TDRP: variants seen among roughly 807,000 people sequenced by gnomAD.
The protein encoded by TDRP is testis development related protein.
TDRP carries 12 observed loss-of-function variants against 10.5 expected under a neutral mutation model. That is an observed-to-expected ratio of 1.15 (90% CI 0.73 to 1.86). The LOEUF is 1.86. Ranked by LOEUF, TDRP falls within the 40% of genes most tolerant of loss-of-function variation. The pLI is 0.00. For missense variants in TDRP, 353 were observed against 229.2 expected, an observed-to-expected ratio of 1.54 and a Z score of -3.49; for synonymous variants, 139 against 95.4, an observed-to-expected ratio of 1.46 and a Z score of -2.67.
chr8:528,898 A>G (rs945035082), intron 1 of TDRP, among the ~76,000 whole-genome samples: 2 of 152,092 alleles, frequency 1.3e-5, no homozygotes, highest in Non-Finnish European at 2.9e-5. Flanking sequence ...AACTCACACA[A>G]TCACAAGGTC....
intron 1 of TDRP, among the ~76,000 whole-genome samples, chr8:504,836 G>A (rs1353014838): frequency 2.0e-5 from 3 of 152,052 alleles, no homozygotes; most frequent in Non-Finnish European, 2.9e-5. Flanking sequence ...TTCACATTTC[G>A]GAACCCAGAC....
chr8:539,385 C>T (rs529607124), intron 1 of TDRP, among the ~76,000 whole-genome samples: 1 of 152,298 alleles, frequency 6.6e-6, no homozygotes, highest in Non-Finnish European at 1.5e-5. Flanking sequence ...AAACTTCCAG[C>T]CTCTGGAACT....
At chr8:541,284 T>C (rs1182996391) in intron 1 of TDRP, among the ~76,000 whole-genome samples, 2 of 152,218 alleles carry the variant, frequency 1.3e-5, no homozygotes, top group African/African-American at 4.8e-5. Context: ...TTGGATAACC[T>C]TAATAAAGTA....
chr8:511,429 A>G (rs1179289929), intron 1 of TDRP, among the ~76,000 whole-genome samples: 1 of 152,216 alleles, frequency 6.6e-6, no homozygotes, highest in African/African-American at 2.4e-5. Context: ...TAACAATTAA[A>G]GACTTACATG....
At chr8:511,234 G>C (rs1270916619) in intron 1 of TDRP, among the ~76,000 whole-genome samples, 1 of 152,116 alleles carries the variant, frequency 6.6e-6, no homozygotes, top group African/African-American at 2.4e-5. Flanking sequence ...CTGCCTATAG[G>C]AGACACACTT....
chr8:545,703 C>A (rs1479174044), upstream of TDRP: 2 of 151,938 alleles, frequency 1.3e-5, no homozygotes, highest in African/African-American at 4.8e-5. Context: ...ATAGTGGGGG[C>A]GCCGGGAGGA....
rs949059728 is a variant in TDRP at position 491,348 on chromosome 8, A to G, written c.*1051T>C. On this transcript the variant is annotated 3_prime_UTR_variant, in exon 3 of 3. Coordinates refer to ENST00000324079, the MANE Select transcript of TDRP (RefSeq NM_001384899.1). Reference sequence around the variant, plus strand: ...TAAGAGATATCTGCAGGACTTGCTGATAAGAGCCAACCTTCCAGGGACGCA... The same window carrying G: ...TAAGAGATATCTGCAGGACTTGCTGGTAAGAGCCAACCTTCCAGGGACGCA... 2.0e-5 allele frequency: 7 copies of G among 358,352 alleles called. No individual in the cohort carries two copies. Among genetic ancestry groups the G allele is most frequent in the Non-Finnish European group, 3.0e-5 (6 of 200,896 alleles). The allele number at this position is 358,352 out of a possible 1,614,324, so 22.2% of individuals were successfully genotyped here. A position where few individuals can be genotyped will look rare whatever the true frequency, so the allele number is the denominator to read the frequency against.
Position 497,283 on chromosome 8 carries a change from G to C in TDRP, c.109-2686C>G, listed in dbSNP as rs1239544456. On this transcript the variant is annotated intron_variant, in intron 1 of 2. Coordinates refer to ENST00000324079, the MANE Select transcript of TDRP (RefSeq NM_001384899.1). ...ATACAGACAATGAAGTCCAGGATTA[G>C]GTAGTCTCAAATGGAGATGAGGAAC... 1.3e-5 allele frequency among the ~76,000 whole-genome samples: 2 copies of C among 152,222 alleles called. 1 individual carries two copies. The highest frequency in any genetic ancestry group is 2.9e-5 in the Non-Finnish European group (2 of 68,038).
At chr8:493,644 T>C (rs1001402822) in intron 2 of TDRP, among the ~76,000 whole-genome samples, 2 of 152,368 alleles carry the variant, frequency 1.3e-5, no homozygotes, top group South Asian at 4.1e-4. Context: ...TTTTCAACTT[T>C]ACACTTTTTA....
intron 1 of TDRP, among the ~76,000 whole-genome samples, chr8:503,903 C>A (rs751851812): frequency 6.7e-6 from 1 of 149,718 alleles, no homozygotes; most frequent in South Asian, 2.1e-4. Context: ...TAACCCACCC[C>A]CACCTCAGCA....
intron 1 of TDRP, among the ~76,000 whole-genome samples, chr8:512,358 GGGAGGC>G (rs1483078281): frequency 3.3e-5 from 5 of 152,066 alleles, no homozygotes; most frequent in African/African-American, 9.7e-5. Flanking sequence ...ACTTGAACCC[GGGAGGC>G]GGAGGCTGCA....
chr8:492,276 C>A lies in TDRP; in HGVS notation c.*123G>T. 7.5e-7 allele frequency: 1 copy of A among 1,337,498 alleles called. No homozygotes were observed. Among genetic ancestry groups the A allele is most frequent in the Non-Finnish European group, 9.6e-7 (1 of 1,045,136 alleles). The allele number at this position is 1,337,498 out of a possible 1,614,324, so 82.9% of individuals were successfully genotyped here. On this transcript the variant is annotated 3_prime_UTR_variant, in exon 3 of 3. Coordinates refer to ENST00000324079, the MANE Select transcript of TDRP (RefSeq NM_001384899.1). ...TTCATTAAATAAAGAAACAGAGGTC[C>A]AAATATCAAATATAGGCAAAAAGTA... is the stretch of plus-strand genomic sequence containing the variant.
At chr8:539,662 T>C (rs960849136) in intron 1 of TDRP, among the ~76,000 whole-genome samples, 4 of 152,308 alleles carry the variant, frequency 2.6e-5, no homozygotes, top group East Asian at 1.9e-4. Context: ...ATGTTAGCTA[T>C]ACAAGCAGGG....
chr8:528,671 G>C (rs903919078), intron 1 of TDRP, among the ~76,000 whole-genome samples: 8 of 152,108 alleles, frequency 5.3e-5, no homozygotes, highest in African/African-American at 1.7e-4. Context: ...TGCATAAAGT[G>C]ATGGATACCT....
chr8:530,291 G>A (rs1584879823), intron 1 of TDRP, among the ~76,000 whole-genome samples: 1 of 152,008 alleles, frequency 6.6e-6, no homozygotes. Context: ...AGCATACTAA[G>A]CTTCTTTAAG....
intron 1 of TDRP, among the ~76,000 whole-genome samples, chr8:525,862 G>C (rs1383445304): frequency 8.5e-5 from 13 of 152,296 alleles, no homozygotes; most frequent in Admixed American, 7.8e-4. Flanking sequence ...TCTCCAATCA[G>C]TTTGAGTACA....
At chr8:527,204 G>A (rs1288547086) in intron 1 of TDRP, among the ~76,000 whole-genome samples, 1 of 151,958 alleles carries the variant, frequency 6.6e-6, no homozygotes, top group Admixed American at 6.6e-5. Context: ...AGAAGTAACT[G>A]AACCAAAGAA....
chr8:523,804 T>C (rs1362517867), intron 1 of TDRP, among the ~76,000 whole-genome samples: 1 of 152,166 alleles, frequency 6.6e-6, no homozygotes, highest in African/African-American at 2.4e-5. Flanking sequence ...GGTTGATTCC[T>C]GAGGTTTCTG....
intron 1 of TDRP, among the ~76,000 whole-genome samples, chr8:505,109 TACC>T (rs1801420568): frequency 6.6e-6 from 1 of 152,228 alleles, no homozygotes; most frequent in African/African-American, 2.4e-5. Context: ...AAACATTAAT[TACC>T]ACATTTGGAA....
Sources: gnomAD v4.1 joint callset for allele counts (sites outside exome capture counted in the v4.1 genomes callset) on GRCh38, gnomAD v4.1.1 for gene constraint, MANE v1.5 for transcripts, NCBI Gene and HGNC (gene_info 2026-07-23, HGNC 2026-07-21) for gene names.